The following EFHB variants were observed in gnomAD, a reference collection of about 807,000 sequenced individuals.
EFHB encodes EF-hand domain-containing family member B.
In EFHB, 91 loss-of-function variants were observed where a neutral mutation model predicts 87.2. The ratio of observed to expected loss-of-function variants is 1.04; its 90% CI spans 0.88 to 1.24. The LOEUF is 1.24. Ranked by LOEUF, EFHB falls within the 50% of genes most tolerant of loss-of-function variation. The pLI is 0.00. For missense variants in EFHB, 1,084 were observed against 998.8 expected (o/e 1.09, Z -1.15); for synonymous variants, 325 against 333.6 (o/e 0.97, Z 0.28).
chr3:19,881,666 C>A (rs2071679217), intron 12 of EFHB, among the ~76,000 whole-genome samples: 1 of 152,122 alleles, frequency 6.6e-6, no homozygotes, highest in Non-Finnish European at 1.5e-5. Context: ...CTCTGTCCTG[C>A]GTCCGTGTGA....
At chr3:19,916,745 C>T (rs528309143) in intron 4 of EFHB, among the ~76,000 whole-genome samples, 8 of 152,208 alleles carry the variant, frequency 5.3e-5, no homozygotes, top group Admixed American at 4.6e-4. Context: ...GTAAATGTAA[C>T]TCCATTTACA....
chr3:19,894,018 T>C (rs956653787), intron 9 of EFHB, among the ~76,000 whole-genome samples: 1 of 152,192 alleles, frequency 6.6e-6, no homozygotes, highest in Non-Finnish European at 1.5e-5. Context: ...ATTAGACAAT[T>C]AATTAAAAGA....
Position 19,896,740 on chromosome 3 carries a change from C to T in EFHB, c.1672G>A (p.Val558Ile). Residue 558 changes from valine (V) to isoleucine (I), a missense_variant, in exon 9 of 13, where the codon GTT becomes ATT. Val to Ile is a conservative substitution (Grantham distance 29). Transcript: ENST00000295824. ...IAAVRHHLKKVNYQKFDTLLA... is the reference protein window; with the variant it reads ...IAAVRHHLKKINYQKFDTLLA... ...AAAGTGTCAAACTTTTGGTAATTAA[C>T]TTTCTTCAGGTGATGCCGAACTGCT... 5 of 1,614,020 alleles carry T rather than the reference C, an allele frequency of 3.1e-6. No individual in the cohort carries two copies. The highest frequency in any genetic ancestry group is 4.2e-6 in the Non-Finnish European group (5 of 1,179,888).
intron 9 of EFHB, among the ~76,000 whole-genome samples, chr3:19,889,680 T>C (rs1033116598): frequency 3.9e-5 from 6 of 152,168 alleles, no homozygotes; most frequent in African/African-American, 1.4e-4. Context: ...ACTTAAAATA[T>C]ATGATCTTGA....
chr3:19,900,452 G>C (rs561139965), intron 6 of EFHB, among the ~76,000 whole-genome samples: 6 of 152,050 alleles, frequency 3.9e-5, no homozygotes, highest in Non-Finnish European at 8.8e-5. Flanking sequence ...CATATGGAGA[G>C]AGAAAGAATA....
At chr3:19,907,648 G>A (rs139069938) in intron 5 of EFHB, among the ~76,000 whole-genome samples, 151 of 152,208 alleles carry the variant, frequency 9.9e-4, no homozygotes, top group African/African-American at 3.5e-3. Context: ...AACCAACAGA[G>A]GAGTCTTTTT....
intron 1 of EFHB, among the ~76,000 whole-genome samples, chr3:19,945,387 T>C (rs1041376901): frequency 6.6e-6 from 1 of 152,202 alleles, no homozygotes; most frequent in African/African-American, 2.4e-5. Flanking sequence ...AACAGCAGTA[T>C]GCATTAATTT....
intron 5 of EFHB, among the ~76,000 whole-genome samples, chr3:19,912,010 G>A (rs1182252792): frequency 6.6e-6 from 1 of 151,928 alleles, no homozygotes; most frequent in Admixed American, 6.6e-5. Context: ...AGAAAATAGA[G>A]AAAGAGATAG....
chr3:19,884,699 C>T (rs1465603617), intron 10 of EFHB, 84 bp from the exon 11 acceptor site: 3 of 1,321,978 alleles, frequency 2.3e-6, no homozygotes, highest in Non-Finnish European at 3.2e-6. Context: ...TAAGTTTTCC[C>T]ATCTAGTCTC....
chr3:19,888,650 T>C lies in EFHB; in HGVS notation c.1727A>G (p.Lys576Arg). Reference sequence around the variant, plus strand: ...GTCTTTATCTATCATCCCATCTCCCTTCTGTTATACAGGAAGCAAAAGAAC... The same window carrying C: ...GTCTTTATCTATCATCCCATCTCCCCTCTGTTATACAGGAAGCAAAAGAAC... ...LLAAFRHYDKKGDGMIDKDEL... is the reference protein window; with the variant it reads ...LLAAFRHYDKRGDGMIDKDEL... The change falls in exon 10 of 13, where the codon AAG becomes AGG. Residue 576 changes from lysine (K) to arginine (R), a missense_variant and splice_region_variant. Lys to Arg is a conservative substitution (Grantham distance 26). Coordinates refer to ENST00000295824, the MANE Select transcript of EFHB (RefSeq NM_144715.4). 2.5e-6 allele frequency: 4 copies of C among 1,602,312 alleles called. No individual in the cohort carries two copies. Among genetic ancestry groups the C allele is most frequent in the Non-Finnish European group, 3.4e-6 (4 of 1,173,548 alleles).
upstream of EFHB, among the ~76,000 whole-genome samples, chr3:19,938,247 C>A (rs1408514861): frequency 1.3e-5 from 2 of 152,174 alleles, no homozygotes; most frequent in Non-Finnish European, 2.9e-5. Flanking sequence ...TGTTCCGTAT[C>A]TCAATAGGGA....
At chr3:19,939,413 C>T (rs571621831) in intron 1 of EFHB, among the ~76,000 whole-genome samples, 1 of 96,634 alleles carries the variant, frequency 1.0e-5, no homozygotes, top group Non-Finnish European at 1.9e-5. Context: ...GATGGAGTCT[C>T]ACTCTGTCGC....
rs1399071707 is a variant in EFHB at position 19,925,135 on chromosome 3, G to A, written c.790-4568C>T. ...CCGGCACCTGTAATCCCAGCTACCC[G>A]GGAGGCTGAGGCAGGAGAATGGCGT... is the stretch of plus-strand genomic sequence containing the variant. On this transcript the variant is annotated intron_variant, in intron 1 of 12. Coordinates refer to ENST00000295824, the MANE Select transcript of EFHB (RefSeq NM_144715.4). 4.0e-5 allele frequency among the ~76,000 whole-genome samples: 6 copies of A among 151,876 alleles called. No individual in the cohort carries two copies. The South Asian group carries it at 6.2e-4, about 16-fold the overall frequency.
intron 4 of EFHB, 65 bp downstream of exon 4, chr3:19,918,167 A>G: frequency 1.5e-6 from 2 of 1,372,586 alleles, no homozygotes; most frequent in East Asian, 2.4e-5. Context: ...AAGATATTTA[A>G]TCAAATTTTC....
chr3:19,928,161 C>T (rs1423532956), intron 1 of EFHB, among the ~76,000 whole-genome samples: 2 of 151,658 alleles, frequency 1.3e-5, no homozygotes, highest in Non-Finnish European at 2.9e-5. Context: ...CAAGTCAAAT[C>T]CAGGGATATA....
intron 1 of EFHB, among the ~76,000 whole-genome samples, chr3:19,921,066 A>C (rs1575036126): frequency 6.6e-6 from 1 of 152,190 alleles, no homozygotes; most frequent in Admixed American, 6.5e-5. Flanking sequence ...TAAATAAATA[A>C]AATTTAAAAC....
At chr3:19,924,175 T>C (rs1165934021) in intron 1 of EFHB, among the ~76,000 whole-genome samples, 1 of 152,140 alleles carries the variant, frequency 6.6e-6, no homozygotes, top group African/African-American at 2.4e-5. Context: ...ATTTATTAAT[T>C]GCATTATACT....
chr3:19,931,555 T>A (rs2929318), intron 1 of EFHB, among the ~76,000 whole-genome samples: 88,174 of 152,054 alleles, frequency 0.58, 26,155 homozygotes, highest in Non-Finnish European at 0.64. Flanking sequence ...AGGGGAAAAG[T>A]CTTCAAACCC....
chr3:19,934,957 C>G (rs1310766311), upstream of EFHB, among the ~76,000 whole-genome samples: 7 of 151,376 alleles, frequency 4.6e-5, no homozygotes, highest in Non-Finnish European at 1.0e-4. Flanking sequence ...GTCGCCCAGG[C>G]TGGAGTGCAG....
Sources: allele counts gnomAD v4.1 joint callset (sites outside exome capture counted in the v4.1 genomes callset), GRCh38; gene constraint gnomAD v4.1.1; transcripts MANE v1.5; gene names NCBI Gene and HGNC (gene_info 2026-07-23, HGNC 2026-07-21).